The following MACROD2 variants were observed in gnomAD, a reference collection of about 807,000 sequenced individuals.
MACROD2 encodes ADP-ribose glycohydrolase MACROD2.
In MACROD2, 36 loss-of-function variants were observed where a neutral mutation model predicts 70.4. The observed-to-expected ratio is 0.51, with a 90% confidence interval of 0.39 to 0.68. MACROD2 has a LOEUF of 0.68. Among genes scored for constraint, MACROD2 ranks in the 30% least tolerant of loss-of-function variants. MACROD2 has a pLI of 0.00. For missense variants in MACROD2, 496 were observed against 538.4 expected (o/e 0.92, Z 0.78); for synonymous variants, 172 against 178.8 (o/e 0.96, Z 0.30).
At chr20:15,424,155 G>A (rs1396454864) in intron 6 of MACROD2, among the ~76,000 whole-genome samples, 5 of 152,292 alleles carry the variant, frequency 3.3e-5, no homozygotes, top group Admixed American at 6.5e-5. Context: ...GCTTCACCAC[G>A]TGAATCTTGT....
chr20:15,026,115 G>T (rs961463892), intron 5 of MACROD2, among the ~76,000 whole-genome samples: 3 of 152,104 alleles, frequency 2.0e-5, no homozygotes, highest in Admixed American at 6.5e-5. Context: ...CAGTCTTCAG[G>T]GGGGAACATT....
At chr20:14,493,007 T>C (rs577439105) in intron 3 of MACROD2, among the ~76,000 whole-genome samples, 7 of 152,256 alleles carry the variant, frequency 4.6e-5, no homozygotes, top group Non-Finnish European at 8.8e-5. Flanking sequence ...TACATTGTTA[T>C]TATTTAAGAG....
At chr20:15,610,991 CTTTT>C (rs34495725) in intron 8 of MACROD2, among the ~76,000 whole-genome samples, 4 of 60,114 alleles carry the variant, frequency 6.7e-5, no homozygotes, top group African/African-American at 1.9e-4. Context: ...AGCCAAAAAT[CTTTT>C]TTTTTTTTTT....
chr20:15,919,105 A>C (rs1004280068), intron 10 of MACROD2, among the ~76,000 whole-genome samples: 1 of 152,182 alleles, frequency 6.6e-6, no homozygotes, highest in African/African-American at 2.4e-5. Context: ...TGTGGAGAAA[A>C]GGCAGCTGGA....
At chr20:15,236,239 C>T (rs1362593736) in intron 6 of MACROD2, among the ~76,000 whole-genome samples, 2 of 152,200 alleles carry the variant, frequency 1.3e-5, no homozygotes, top group Non-Finnish European at 2.9e-5. Flanking sequence ...CCTCAGAGGG[C>T]ACAGAGGTAC....
At chr20:15,692,561 T>C (rs1406147380) in intron 8 of MACROD2, among the ~76,000 whole-genome samples, 2 of 152,120 alleles carry the variant, frequency 1.3e-5, no homozygotes, top group African/African-American at 4.8e-5. Flanking sequence ...GTTATATTTC[T>C]GGGAGCAATG....
At chr20:14,012,346 A>G (rs577472603) in intron 2 of MACROD2, among the ~76,000 whole-genome samples, 5 of 152,248 alleles carry the variant, frequency 3.3e-5, no homozygotes, top group Admixed American at 6.5e-5. Context: ...CTCAGGTCCT[A>G]TTAGTCTATA....
chr20:15,464,216 G>C (rs892224748), intron 7 of MACROD2, among the ~76,000 whole-genome samples: 5 of 152,036 alleles, frequency 3.3e-5, no homozygotes, highest in Non-Finnish European at 4.4e-5. Flanking sequence ...GGTTCTCCCT[G>C]TGTTGCCCAG....
In MACROD2 at chr20:14,481,441, A is replaced by G. The variant is rs146071582; in HGVS notation, c.272-12038A>G. ...TTTTGTGAGATCAAAATTGCTGATT[A>G]TAATAATGTTAGTAAATAATATGGG... On this transcript the variant is annotated intron_variant, in intron 3 of 17. Coordinates refer to ENST00000684519, the MANE Select transcript of MACROD2 (RefSeq NM_001351661.2). Among the ~76,000 whole-genome samples, 943 of 152,266 alleles carry G rather than the reference A, an allele frequency of 6.2e-3. 18 individuals carry two copies. Among genetic ancestry groups the G allele is most frequent in the African/African-American group, 0.021 (886 of 41,574 alleles).
chr20:14,193,842 A>G (rs902681561), intron 3 of MACROD2, among the ~76,000 whole-genome samples: 1 of 152,254 alleles, frequency 6.6e-6, no homozygotes, highest in African/African-American at 2.4e-5. Flanking sequence ...GTGGAGCAGA[A>G]TATGGATCTT....
chr20:15,597,671 A>G (rs1450555282), intron 8 of MACROD2, among the ~76,000 whole-genome samples: 1 of 152,216 alleles, frequency 6.6e-6, no homozygotes, highest in African/African-American at 2.4e-5. Context: ...AAATTAATTA[A>G]CTTCAAAGAT....
At chr20:14,549,314 T>C (rs954572507) in intron 4 of MACROD2, among the ~76,000 whole-genome samples, 2 of 152,178 alleles carry the variant, frequency 1.3e-5, no homozygotes, top group African/African-American at 2.4e-5. Flanking sequence ...ACTGTTAATA[T>C]CATATTGTCC....
intron 8 of MACROD2, among the ~76,000 whole-genome samples, chr20:15,511,563 A>G (rs1379848592): frequency 6.6e-6 from 1 of 152,250 alleles, no homozygotes; most frequent in East Asian, 1.9e-4. Context: ...AATGAATTTT[A>G]AAGAAAAATT....
At chr20:16,021,455 C>T (rs962549237) in intron 15 of MACROD2, among the ~76,000 whole-genome samples, 5 of 152,162 alleles carry the variant, frequency 3.3e-5, no homozygotes, top group Admixed American at 2.0e-4. Context: ...GAGGTGGCAT[C>T]GCCTGTCCAG....
chr20:14,726,271 T>C (rs1600592094), intron 5 of MACROD2, among the ~76,000 whole-genome samples: 1 of 152,152 alleles, frequency 6.6e-6, no homozygotes, highest in South Asian at 2.1e-4. Context: ...ACATATAACC[T>C]TGATATTTTG....
intron 8 of MACROD2, among the ~76,000 whole-genome samples, chr20:15,657,953 A>G (rs2049756320): frequency 6.6e-6 from 1 of 152,184 alleles, no homozygotes; most frequent in South Asian, 2.1e-4. Flanking sequence ...AGACTGAGCC[A>G]TTGCACTCCA....
chr20:15,850,784 T>G (rs1196103655), intron 8 of MACROD2, among the ~76,000 whole-genome samples: 1 of 152,172 alleles, frequency 6.6e-6, no homozygotes, highest in East Asian at 1.9e-4. Flanking sequence ...CGTTTCCCAA[T>G]GGTCAGTGTC....
At chr20:14,771,943 A>G (rs2072174147) in intron 5 of MACROD2, among the ~76,000 whole-genome samples, 1 of 152,036 alleles carries the variant, frequency 6.6e-6, no homozygotes, top group Admixed American at 6.6e-5. Context: ...ACACCTTTTC[A>G]GGAAAGACAG....
intron 2 of MACROD2, among the ~76,000 whole-genome samples, chr20:14,028,016 C>T (rs988225691): frequency 3.3e-5 from 5 of 152,172 alleles, no homozygotes; most frequent in African/African-American, 1.2e-4. Context: ...CGCTCACAGC[C>T]GCCCCTTCCC....
Sources: allele counts gnomAD v4.1 joint callset (sites outside exome capture counted in the v4.1 genomes callset), GRCh38; gene constraint gnomAD v4.1.1; transcripts MANE v1.5; gene names NCBI Gene and HGNC (gene_info 2026-07-23, HGNC 2026-07-21).